The following CLEC16A variants were observed in gnomAD, a reference collection of about 807,000 sequenced individuals.
CLEC16A encodes protein CLEC16A.
A neutral mutation model predicts 109.5 loss-of-function variants in CLEC16A; 51 were observed. The observed-to-expected ratio is 0.47, with a 90% CI of 0.37 to 0.59. CLEC16A has a LOEUF of 0.59. CLEC16A is among the 20% of genes least tolerant of loss of function. CLEC16A has a pLI of 0.00. For missense variants in CLEC16A, 1,339 were observed against 1,394.0 expected, an observed-to-expected ratio of 0.96 and a Z score of 0.63; for synonymous variants, 673 against 564.2, an observed-to-expected ratio of 1.19 and a Z score of -2.73.
intron 13 of CLEC16A, chr16:11,027,430 C>G (rs2046473050): frequency 2.0e-6 from 3 of 1,515,168 alleles, no homozygotes; most frequent in Admixed American, 1.7e-5. Flanking sequence ...ATAGTGGAAA[C>G]TTATGTGACC....
At chr16:10,953,724 CCAAA>C (rs2041847869) in intron 1 of CLEC16A, among the ~76,000 whole-genome samples, 2 of 152,192 alleles carry the variant, frequency 1.3e-5, no homozygotes, top group African/African-American at 4.8e-5. Context: ...CGCCTGTAAT[CCAAA>C]CACTTTGGGA....
intron 19 of CLEC16A, among the ~76,000 whole-genome samples, chr16:11,074,689 C>T (rs182035942): frequency 6.6e-6 from 1 of 152,280 alleles, no homozygotes; most frequent in African/African-American, 2.4e-5. Context: ...CACAAGGTCA[C>T]CTAATGACTG....
At chr16:11,091,151 TAA>T (rs1211805377) in intron 19 of CLEC16A, among the ~76,000 whole-genome samples, 1 of 152,162 alleles carries the variant, frequency 6.6e-6, no homozygotes. Context: ...AGACGTGAGG[TAA>T]GCAGTTTTCC....
At chr16:10,944,946 T>A in intron 1 of CLEC16A, 149 bp downstream of exon 1, 1 of 720,686 alleles carries the variant, frequency 1.4e-6, no homozygotes, top group Non-Finnish European at 2.2e-6. Flanking sequence ...GGCTCGGGAG[T>A]CAGGGCGCCT....
At chr16:11,027,649 T>G in intron 13 of CLEC16A, 1 of 1,550,188 alleles carries the variant, frequency 6.5e-7, no homozygotes, top group Non-Finnish European at 8.8e-7. Context: ...TTGCGCCCTT[T>G]CCACCTCTCA....
intron 19 of CLEC16A, among the ~76,000 whole-genome samples, chr16:11,096,447 C>T (rs1366204535): frequency 1.3e-5 from 2 of 152,174 alleles, no homozygotes; most frequent in Non-Finnish European, 2.9e-5. Flanking sequence ...AGACCTGTGT[C>T]CCAAGAAGCA....
chr16:11,077,329 G>A (rs1324811909), intron 19 of CLEC16A, among the ~76,000 whole-genome samples: 4 of 152,034 alleles, frequency 2.6e-5, no homozygotes, highest in East Asian at 1.9e-4. Flanking sequence ...AAAATTAGCC[G>A]GATGTGGTGG....
intron 19 of CLEC16A, chr16:11,066,366 G>A (rs1480846825): frequency 6.5e-6 from 1 of 152,876 alleles, no homozygotes; most frequent in Non-Finnish European, 1.5e-5. Context: ...GTTAACTCTG[G>A]GGTTCTGAGC....
At chr16:11,140,314 C>A (rs1362915765) in intron 22 of CLEC16A, among the ~76,000 whole-genome samples, 1 of 152,180 alleles carries the variant, frequency 6.6e-6, no homozygotes, top group Non-Finnish European at 1.5e-5. Flanking sequence ...CAGGAAGAGT[C>A]AGTGTGGATG....
At chr16:11,039,974 T>A in intron 14 of CLEC16A, 98 bp downstream of exon 14, 1 of 1,436,886 alleles carries the variant, frequency 7.0e-7, no homozygotes, top group East Asian at 2.5e-5. Flanking sequence ...CTGAGCCTTC[T>A]GAGAATCCGG....
chr16:11,146,935 AC>A (rs2054085241), intron 22 of CLEC16A, among the ~76,000 whole-genome samples: 1 of 151,974 alleles, frequency 6.6e-6, no homozygotes, highest in Non-Finnish European at 1.5e-5. Flanking sequence ...AGAACTTCCC[AC>A]CATGTTTGGT....
At chr16:10,990,044 G>A (rs191596138) in intron 10 of CLEC16A, among the ~76,000 whole-genome samples, 1 of 152,264 alleles carries the variant, frequency 6.6e-6, no homozygotes, top group Admixed American at 6.5e-5. Context: ...TCCAAGGCGC[G>A]CACATTCTTC....
chr16:11,152,867 C>T (rs1291349329), intron 22 of CLEC16A, among the ~76,000 whole-genome samples: 1 of 152,188 alleles, frequency 6.6e-6, no homozygotes, highest in Non-Finnish European at 1.5e-5. Flanking sequence ...CACTAATCAT[C>T]TGCGTTCGGG....
intron 19 of CLEC16A, among the ~76,000 whole-genome samples, chr16:11,112,000 A>G (rs896413580): frequency 8.5e-5 from 13 of 152,212 alleles, no homozygotes; most frequent in Admixed American, 2.0e-4. Flanking sequence ...AACACTCCGA[A>G]TGTCTGCCAG....
At chr16:11,061,198 G>A (rs890974699) in intron 19 of CLEC16A, among the ~76,000 whole-genome samples, 176 bp downstream of exon 19, 2 of 152,236 alleles carry the variant, frequency 1.3e-5, no homozygotes, top group South Asian at 2.1e-4. Flanking sequence ...TGAAGAAAAG[G>A]CCCCTGGGTT....
chr16:10,970,603 A>C (rs2042733857), intron 4 of CLEC16A, among the ~76,000 whole-genome samples: 1 of 152,186 alleles, frequency 6.6e-6, no homozygotes, highest in Non-Finnish European at 1.5e-5. Context: ...AGGTCTCGTC[A>C]CATTGCCCAG....
In CLEC16A at chr16:11,126,034, C is replaced by T. The variant is rs2052788087; in HGVS notation, c.2529C>T (p.Gly843=). Residue 843 remains glycine (G), a synonymous_variant, in exon 22 of 24, where the codon GGC becomes GGT. Coordinates refer to ENST00000409790, the MANE Select transcript of CLEC16A (RefSeq NM_015226.3). ...PTTEVLGFGL[G]SSTSTQHLPF... ...CTGAAGTCCTGGGGTTTGGACTCGG[C>T]TCCTCCACCTCCACTCAGCACCTGC... 6.2e-7 allele frequency: 1 copy of T among 1,613,788 alleles called. No individual in the cohort carries two copies. The highest frequency in any genetic ancestry group is 8.5e-7 in the Non-Finnish European group (1 of 1,179,866).
chr16:10,967,166 C>T (rs1567515419), intron 3 of CLEC16A, among the ~76,000 whole-genome samples: 1 of 152,108 alleles, frequency 6.6e-6, no homozygotes, highest in East Asian at 1.9e-4. Context: ...GTGGCTTTCC[C>T]GGAGAACTGA....
At chr16:11,002,170 C>T (rs535087993) in intron 10 of CLEC16A, among the ~76,000 whole-genome samples, 2 of 152,292 alleles carry the variant, frequency 1.3e-5, no homozygotes, top group Non-Finnish European at 2.9e-5. Flanking sequence ...TCAGTTTCTT[C>T]ACCTGTAAAA....
Sources: gnomAD v4.1 joint callset for allele counts (sites outside exome capture counted in the v4.1 genomes callset) on GRCh38, gnomAD v4.1.1 for gene constraint, MANE v1.5 for transcripts, NCBI Gene and HGNC (gene_info 2026-07-23, HGNC 2026-07-21) for gene names.